Variants in SGCD observed in about 807,000 individuals in gnomAD.
SGCD encodes the protein sarcoglycan delta.
In SGCD, 18 loss-of-function variants were observed where a neutral mutation model predicts 36.6. The ratio of observed to expected loss-of-function variants is 0.49; its 90% CI spans 0.34 to 0.73. SGCD has a LOEUF of 0.73. SGCD is among the 30% of genes least tolerant of loss of function. The pLI is 0.01. For synonymous variants in SGCD, 133 were observed against 130.6 expected (o/e 1.02, Z -0.12); for missense variants, 387 against 346.7 (o/e 1.12, Z -0.92).
chr5:156,259,253 A>G (rs1330142390), intron 3 of SGCD, among the ~76,000 whole-genome samples: 1 of 151,908 alleles, frequency 6.6e-6, no homozygotes, highest in African/African-American at 2.4e-5. Context: ...CCTAGTGGCC[A>G]TTCCTATATC....
chr5:156,202,904 T>C (rs1425214238), intron 3 of SGCD, among the ~76,000 whole-genome samples: 1 of 151,998 alleles, frequency 6.6e-6, no homozygotes. Flanking sequence ...TAAGGCTGAT[T>C]GTAAAGGTTT....
chr5:156,500,139 C>G lies in SGCD; in HGVS notation c.193-8462C>G, dbSNP rs78138314. Among the ~76,000 whole-genome samples, 1,161 of 152,210 alleles carry G rather than the reference C, an allele frequency of 7.6e-3. 11 individuals are homozygous for G. The highest frequency in any genetic ancestry group is 0.021 in the African/African-American group (891 of 41,546). On this transcript the variant is annotated intron_variant, in intron 3 of 8. Transcript: ENST00000337851. ...ATTTTTGTCCACTGGGGGCTGTATC[C>G]CCCTGGTTGGGAATACATACTCTAA... is the stretch of plus-strand genomic sequence containing the variant.
At chr5:156,458,238 T>A (rs1754339837) in intron 3 of SGCD, among the ~76,000 whole-genome samples, 1 of 152,188 alleles carries the variant, frequency 6.6e-6, no homozygotes, top group Non-Finnish European at 1.5e-5. Flanking sequence ...TCTATGTACA[T>A]GCCCCAAATA....
intron 7 of SGCD, among the ~76,000 whole-genome samples, chr5:156,755,543 G>T (rs547183430): frequency 6.6e-6 from 1 of 152,302 alleles, no homozygotes; most frequent in East Asian, 1.9e-4. Flanking sequence ...AGACCAGGCC[G>T]TACTGCACAG....
chr5:155,968,735 A>G (rs1434770599), intron 1 of SGCD, among the ~76,000 whole-genome samples: 1 of 151,828 alleles, frequency 6.6e-6, no homozygotes, highest in Non-Finnish European at 1.5e-5. Flanking sequence ...TTCTTACGAA[A>G]CTCCCATAAT....
chr5:156,162,588 A>G (rs745768187), intron 3 of SGCD, among the ~76,000 whole-genome samples: 1 of 151,386 alleles, frequency 6.6e-6, no homozygotes, highest in Non-Finnish European at 1.5e-5. Flanking sequence ...ATGTCCTACT[A>G]TGGTTTCTGA....
chr5:156,143,157 A>T (rs1298195577), intron 3 of SGCD, among the ~76,000 whole-genome samples: 1 of 152,240 alleles, frequency 6.6e-6, no homozygotes, highest in Non-Finnish European at 1.5e-5. Flanking sequence ...CTAGCCAGGT[A>T]CAACTCAGGC....
the SGCD span, among the ~76,000 whole-genome samples, chr5:155,780,400 T>C: frequency 6.6e-6 from 1 of 152,210 alleles, no homozygotes; most frequent in African/African-American, 2.4e-5. Context: ...GATGGTGTAT[T>C]CTTTTTCTTT....
chr5:155,750,751 A>G, the SGCD span, among the ~76,000 whole-genome samples: 2 of 152,174 alleles, frequency 1.3e-5, no homozygotes, highest in African/African-American at 4.8e-5. Context: ...CTGTGGGCTA[A>G]TTTTGGCCCT....
intron 7 of SGCD, among the ~76,000 whole-genome samples, chr5:156,727,594 T>G (rs1247188989): frequency 6.6e-6 from 1 of 152,226 alleles, no homozygotes; most frequent in African/African-American, 2.4e-5. Flanking sequence ...AGAATAGCAG[T>G]GTTTCCAAGT....
At chr5:156,515,168 C>G (rs1757104914) in intron 4 of SGCD, among the ~76,000 whole-genome samples, 1 of 152,004 alleles carries the variant, frequency 6.6e-6, no homozygotes, top group African/African-American at 2.4e-5. Flanking sequence ...TGACTTTTCT[C>G]TCATTCTTCT....
At chr5:156,523,711 T>C (rs1757508103) in intron 4 of SGCD, among the ~76,000 whole-genome samples, 2 of 152,044 alleles carry the variant, frequency 1.3e-5, no homozygotes. Flanking sequence ...ACGGTAGAGT[T>C]CAGGGGCAGT....
At chr5:156,610,894 C>T (rs111293325) in intron 6 of SGCD, among the ~76,000 whole-genome samples, 23 of 152,320 alleles carry the variant, frequency 1.5e-4, no homozygotes, top group Middle Eastern at 3.4e-3. Context: ...GTTGGGAAAG[C>T]GCAGTATTAG....
chr5:156,412,856 C>A (rs1164766633), intron 3 of SGCD, among the ~76,000 whole-genome samples: 1 of 145,716 alleles, frequency 6.9e-6, no homozygotes, highest in Non-Finnish European at 1.5e-5. Context: ...ACTGCAGTGG[C>A]GCAATCTCGG....
At chr5:156,369,317 G>T (rs970194516) in intron 3 of SGCD, among the ~76,000 whole-genome samples, 4 of 152,170 alleles carry the variant, frequency 2.6e-5, no homozygotes, top group African/African-American at 9.7e-5. Flanking sequence ...GAATTTGGGG[G>T]CTTTGGATTA....
Position 156,653,098 on chromosome 5 carries a change from G to T in SGCD, c.575+5562G>T, listed in dbSNP as rs1037306755. Among the ~76,000 whole-genome samples the T allele has an allele frequency of 2.0e-5, 3 of 152,036 alleles. No individual in the cohort carries two copies. The East Asian group carries it at 5.8e-4, about 29-fold the overall frequency. ...TGTGAGGTTTTGATATTCGGGTGATGCTGGCTTCCTAGAACAAATTAAGGA... is the reference window on the plus strand; with the variant it reads ...TGTGAGGTTTTGATATTCGGGTGATTCTGGCTTCCTAGAACAAATTAAGGA... On this transcript the variant is annotated intron_variant, in intron 7 of 8. Coordinates refer to ENST00000337851, the MANE Select transcript of SGCD (RefSeq NM_000337.6).
At chr5:155,741,628 C>G in the SGCD span, among the ~76,000 whole-genome samples, 1 of 151,736 alleles carries the variant, frequency 6.6e-6, no homozygotes, top group South Asian at 2.1e-4. Flanking sequence ...ATGTCTGACC[C>G]CCACACCACT....
At chr5:155,729,567 G>A in the SGCD span, among the ~76,000 whole-genome samples, 2 of 152,296 alleles carry the variant, frequency 1.3e-5, no homozygotes, top group Admixed American at 6.5e-5. Flanking sequence ...TCCGCGGTGC[G>A]GTGCGGGTTT....
intron 4 of SGCD, among the ~76,000 whole-genome samples, chr5:156,583,139 G>A (rs1760350558): frequency 6.6e-6 from 1 of 152,088 alleles, no homozygotes; most frequent in Non-Finnish European, 1.5e-5. Context: ...TACAGTGGAA[G>A]GCACAGAGGA....
Sources: allele counts gnomAD v4.1 joint callset (sites outside exome capture counted in the v4.1 genomes callset), GRCh38; gene constraint gnomAD v4.1.1; transcripts MANE v1.5; gene names NCBI Gene and HGNC (gene_info 2026-07-23, HGNC 2026-07-21).